MUC4: variants seen among roughly 807,000 people sequenced by gnomAD.
MUC4 encodes the protein mucin-4.
A neutral mutation model predicts 257.9 loss-of-function variants in MUC4; 202 were observed. That is an observed-to-expected ratio of 0.78 (90% CI 0.70 to 0.88). The LOEUF is 0.88. Ranked by LOEUF, MUC4 falls within the 40% of genes least tolerant of loss-of-function variation. The probability of loss-of-function intolerance (pLI) is 0.00; values close to 1 mark genes in which losing one functional copy is unlikely to be tolerated. For synonymous variants in MUC4, 2,351 were observed against 2,757.1 expected (o/e 0.85, Z 4.62); for missense variants, 5,976 against 6,513.7 (o/e 0.92, Z 2.84).
intron 3 of MUC4, 80 bp from the exon 4 acceptor site, chr3:195,774,385 C>A: frequency 6.9e-7 from 1 of 1,455,538 alleles, no homozygotes; most frequent in Non-Finnish European, 9.1e-7. Context: ...CAGAGCGCTC[C>A]CTGCAGGCTG....
At chr3:195,768,286 T>G (rs1722057261) in intron 7 of MUC4, among the ~76,000 whole-genome samples, 1 of 152,092 alleles carries the variant, frequency 6.6e-6, no homozygotes, top group African/African-American at 2.4e-5. Flanking sequence ...TTGCAGCAAT[T>G]ATCAAGAACA....
chr3:195,761,386 A>T (rs542120768), intron 15 of MUC4, 98 bp downstream of exon 15: 1 of 1,043,336 alleles, frequency 9.6e-7, no homozygotes, highest in East Asian at 2.4e-5. Flanking sequence ...GACCTTAGGG[A>T]GGATGGAGGT....
Position 195,788,830 on chromosome 3 carries a change from C to G in MUC4, c.2750G>C (p.Arg917Thr). ...CGCCAGGCTGATAGTGTCAGACCCTCTGCTGGTTCTTGTCCTCTGAGTCTG... is the reference window on the plus strand; with the variant it reads ...CGCCAGGCTGATAGTGTCAGACCCTGTGCTGGTTCTTGTCCTCTGAGTCTG... Reference protein sequence around the residue: ...MAQTQRTRTSRGSDTISLASQ... With the variant: ...MAQTQRTRTSTGSDTISLASQ... The change falls in exon 2 of 25, where the codon AGA becomes ACA. Residue 917 changes from arginine to threonine, a missense_variant. By Grantham distance (71) the Arg-to-Thr change is moderately conservative (BLOSUM62 -1). Coordinates refer to ENST00000463781, the MANE Select transcript of MUC4 (RefSeq NM_018406.7). 2 of 1,613,902 alleles carry G rather than the reference C, an allele frequency of 1.2e-6. No homozygotes were observed. Among genetic ancestry groups the G allele is most frequent in the Non-Finnish European group, 1.7e-6 (2 of 1,179,842 alleles).
At chr3:195,772,119 C>T (rs968034994) in intron 4 of MUC4, among the ~76,000 whole-genome samples, 1 of 152,170 alleles carries the variant, frequency 6.6e-6, no homozygotes, top group Non-Finnish European at 1.5e-5. Context: ...GTCCCCTGGG[C>T]CCCATCCTGA....
At chr3:195,806,200 T>C (rs1735967118) in intron 1 of MUC4, among the ~76,000 whole-genome samples, 1 of 152,218 alleles carries the variant, frequency 6.6e-6, no homozygotes, top group Admixed American at 6.5e-5. Flanking sequence ...ACCTGCCTTC[T>C]CTTTCAAGTC....
At chr3:195,794,316 A>G (rs1029391629) in intron 1 of MUC4, among the ~76,000 whole-genome samples, 5 of 151,386 alleles carry the variant, frequency 3.3e-5, no homozygotes, top group African/African-American at 4.9e-5. Flanking sequence ...TTGGGTTTTC[A>G]TTAGTTCCCT....
At chr3:195,762,619 C>A (rs67705678) in intron 13 of MUC4, among the ~76,000 whole-genome samples, 4,331 of 40,526 alleles carry the variant, frequency 0.11, 139 homozygotes, top group East Asian at 0.18. Flanking sequence ...GCCACGCACC[C>A]GGCCCTGCAC....
At chr3:195,762,526 G>T (rs1406771467) in intron 13 of MUC4, among the ~76,000 whole-genome samples, 2 of 151,122 alleles carry the variant, frequency 1.3e-5, no homozygotes, top group East Asian at 1.9e-4. Flanking sequence ...GCACCGCCAC[G>T]CACCGGGCCC....
Position 195,746,900 on chromosome 3 carries a change from G to T in MUC4, c.*276C>A, listed in dbSNP as rs1367333675. 3 of 548,470 alleles carry T rather than the reference G, an allele frequency of 5.5e-6. No homozygotes were observed. The highest frequency in any genetic ancestry group is 9.7e-6 in the Non-Finnish European group (3 of 309,334). 34.0% of individuals were successfully genotyped at this position (548,470 alleles called of 1,614,324 possible). A position where few individuals can be genotyped will look rare whatever the true frequency, so the allele number is the denominator to read the frequency against. On this transcript the variant is annotated 3_prime_UTR_variant, in exon 25 of 25. Transcript: ENST00000463781. ...ATTATGAACTCGTGTGTGTGTGTGTGTGTGTGCACGCGCGCGTGCACAGGC... is the reference window on the plus strand; with the variant it reads ...ATTATGAACTCGTGTGTGTGTGTGTTTGTGTGCACGCGCGCGTGCACAGGC...
chr3:195,748,782 T>A, intron 24 of MUC4, 120 bp downstream of exon 24: 1 of 1,303,494 alleles, frequency 7.7e-7, no homozygotes, highest in Non-Finnish European at 1.0e-6. Context: ...TTTTCCACTG[T>A]CCTCTCTTCC....
Position 195,780,355 on chromosome 3 carries a change from A to G in MUC4, c.11225T>C (p.Val3742Ala), listed in dbSNP as rs1036129376. The change falls in exon 2 of 25, where the codon GTC (valine) becomes GCC (alanine). Residue 3742 changes from valine to alanine, a missense_variant. Around this residue, in one of 44 missense-constraint regions of MUC4, gnomAD observed 330 missense variants for 262.0 expected, o/e 1.26. Coordinates refer to ENST00000463781, the MANE Select transcript of MUC4 (RefSeq NM_018406.7). ...AGTGCTGGTGACAGGAAGAGGGGTG[A>G]CGTGACCTGTGGATGCTGAGGAAGG... is the stretch of plus-strand genomic sequence containing the variant. ...TSPSSASTGH[V>A]TPLPVTSTSS... The G allele has an allele frequency of 0.58, 601,325 of 1,028,086 alleles. 168,612 individuals carry two copies. Among genetic ancestry groups the G allele is most frequent in the East Asian group, 0.74 (21,290 of 28,652 alleles). The allele number at this position is 1,028,086 out of a possible 1,614,324, so 63.7% of individuals were successfully genotyped here. A position where few individuals can be genotyped will look rare whatever the true frequency, so the allele number is the denominator to read the frequency against.
chr3:195,806,029 T>A (rs2149078313), intron 1 of MUC4, among the ~76,000 whole-genome samples: 1 of 151,846 alleles, frequency 6.6e-6, no homozygotes, highest in South Asian at 2.1e-4. Flanking sequence ...GGCACGAGAA[T>A]CCCTTGAACC....
chr3:195,767,486 C>CCACCAT (rs1438035605), intron 7 of MUC4, among the ~76,000 whole-genome samples: 1 of 121,592 alleles, frequency 8.2e-6, no homozygotes. Flanking sequence ...ACCATCACCA[C>CCACCAT]CACCATCACC....
rs763147271 is a variant in MUC4 at position 195,778,939 on chromosome 3, G to C, written c.12641C>G (p.Thr4214Ser). The change falls in exon 2 of 25, where the codon ACT (threonine) becomes AGT (serine). Residue 4214 changes from threonine to serine, a missense_variant. Thr to Ser is a moderately conservative substitution (Grantham distance 58, BLOSUM62 1). This residue lies in a region of MUC4 where 22 missense variants were observed against 64.1 expected (regional missense o/e 0.34). Transcript: ENST00000463781. ...GHATPLPVTDTSSASTGHATP... is the reference protein window; with the variant it reads ...GHATPLPVTDSSSASTGHATP... Reference sequence around the variant, plus strand: ...GGCGTGACCTGTGGATGCTGAGGAAGTGTCGGTGACAGGAAGAGGGGTGGC... The same window carrying C: ...GGCGTGACCTGTGGATGCTGAGGAACTGTCGGTGACAGGAAGAGGGGTGGC... 6.6e-7 allele frequency: 1 copy of C among 1,507,024 alleles called. No homozygotes were observed. The allele number at this position is 1,507,024 out of a possible 1,614,324, so 93.4% of individuals were successfully genotyped here. A position where few individuals can be genotyped will look rare whatever the true frequency, so the allele number is the denominator to read the frequency against.
chr3:195,777,898 A>ACCCATACCTTCCACG lies in MUC4; in HGVS notation c.12943+404_12943+405insCGTGGAAGGTATGGG, dbSNP rs1560289991. ...TACCTTCCACACCCATACCTTCCAC[A>ACCCATACCTTCCACG]GCCATACCTTCCACACCCATACCTT... is the stretch of plus-strand genomic sequence containing the variant. On this transcript the variant is annotated intron_variant, in intron 3 of 24. Transcript: ENST00000463781. 3.1e-4 allele frequency among the ~76,000 whole-genome samples: 8 copies of ACCCATACCTTCCACG among 25,848 alleles called. 1 individual carries two copies. Among genetic ancestry groups the ACCCATACCTTCCACG allele is most frequent in the East Asian group, 1.3e-3 (1 of 750 alleles). 17.0% of individuals were successfully genotyped at this position (25,848 alleles called of 152,430 possible). A position where few individuals can be genotyped will look rare whatever the true frequency, so the allele number is the denominator to read the frequency against.
intron 1 of MUC4, among the ~76,000 whole-genome samples, chr3:195,794,879 T>G (rs1252476321): frequency 1.1e-4 from 17 of 152,214 alleles, no homozygotes. Context: ...CTTCTGCACT[T>G]CATTAATAGT....
chr3:195,782,725 G>C lies in MUC4; in HGVS notation c.8855C>G (p.Ser2952Ter), dbSNP rs1326274066. ...TTPLPVTDTS[S>*]ASTGHATSLP... ...AGAGGTGGCGTGACCTGTGGATGCT[G>C]AGGAAGTGTCGGTGACAGGAAGAGG... is the stretch of plus-strand genomic sequence containing the variant. The change falls in exon 2 of 25, where the codon TCA (serine) becomes TGA (stop). Residue 2952 changes from serine to a stop codon, truncating the protein, a stop_gained. Transcript: ENST00000463781. LOFTEE classifies it high-confidence loss of function. 5 of 1,530,850 alleles carry C rather than the reference G, an allele frequency of 3.3e-6. No individual in the cohort carries two copies. The highest frequency in any genetic ancestry group is 1.2e-5 in the South Asian group (1 of 82,798). 94.8% of individuals were successfully genotyped at this position (1,530,850 alleles called of 1,614,324 possible).
chr3:195,794,951 A>G (rs1734391968), intron 1 of MUC4, among the ~76,000 whole-genome samples: 1 of 152,238 alleles, frequency 6.6e-6, no homozygotes, highest in South Asian at 2.1e-4. Flanking sequence ...TGAACCGCAG[A>G]GCCCTCTGGG....
At position 195,785,725 on chromosome 3, in the gene MUC4, G is replaced by C. The variant is rs1560368824; in HGVS notation, c.5855C>G (p.Pro1952Arg). The C allele has an allele frequency of 1.0e-5, 14 of 1,380,280 alleles. No individual in the cohort carries two copies. The highest frequency in any genetic ancestry group is 2.6e-5 in the South Asian group (2 of 76,648). 85.5% of individuals were successfully genotyped at this position (1,380,280 alleles called of 1,614,324 possible). Residue 1952 changes from proline (P) to arginine (R), a missense_variant, in exon 2 of 25, where the codon CCT becomes CGT. Pro to Arg is a moderately radical substitution (Grantham distance 103, BLOSUM62 -2). Transcript: ENST00000463781. The stretch of plus-strand genomic sequence containing the variant: ...TGAGGAAGCGTCGGTGACAGGAAGA[G>C]GGGTGGTGTGACCTGAGGATGCTGA... ...PSSASSGHTT[P>R]LPVTDASSVP...
Sources: allele counts gnomAD v4.1 joint callset (sites outside exome capture counted in the v4.1 genomes callset), GRCh38; gene constraint gnomAD v4.1.1; regional missense constraint gnomAD v4.1.1; transcripts MANE v1.5; gene names NCBI Gene and HGNC (gene_info 2026-07-23, HGNC 2026-07-21).